Variants in CSMD3 observed in about 807,000 individuals in gnomAD.
CSMD3 encodes CUB and sushi domain-containing protein 3.
Under a neutral mutation model 435.2 loss-of-function variants are expected in CSMD3, and 177 were observed. The observed-to-expected ratio is 0.41, with a 90% CI of 0.36 to 0.46. The LOEUF (loss-of-function observed/expected upper bound fraction) is 0.46. Among genes scored for constraint, CSMD3 ranks in the 20% least tolerant of loss-of-function variants. The probability of loss-of-function intolerance (pLI) is 0.34; values close to 1 mark genes in which losing one functional copy is unlikely to be tolerated. For missense variants in CSMD3, 4,265 were observed against 4,504.6 expected, an observed-to-expected ratio of 0.95 and a Z score of 1.52; for synonymous variants, 1,656 against 1,520.5, an observed-to-expected ratio of 1.09 and a Z score of -2.07.
chr8:112,418,435 T>A (rs1812142443), intron 32 of CSMD3, among the ~76,000 whole-genome samples: 1 of 152,240 alleles, frequency 6.6e-6, no homozygotes. Flanking sequence ...TGTGCAGAAC[T>A]GTTTGCCCTC....
chr8:112,476,594 G>A (rs16883713), intron 31 of CSMD3, among the ~76,000 whole-genome samples: 2,647 of 152,092 alleles, frequency 0.017, 80 homozygotes, highest in African/African-American at 0.06. Flanking sequence ...AAATGTGGGG[G>A]TTTTTTGGTA....
chr8:112,326,650 G>A (rs1421399942), intron 45 of CSMD3, among the ~76,000 whole-genome samples: 1 of 152,156 alleles, frequency 6.6e-6, no homozygotes, highest in Non-Finnish European at 1.5e-5. Flanking sequence ...TCCTCACAAT[G>A]GGTCATTCAA....
intron 7 of CSMD3, among the ~76,000 whole-genome samples, chr8:112,974,450 G>T (rs892779840): frequency 6.6e-6 from 1 of 151,690 alleles, no homozygotes. Context: ...ATTAGCTCAT[G>T]CAATTTTCCA....
intron 4 of CSMD3, among the ~76,000 whole-genome samples, chr8:113,110,089 A>T (rs1012666396): frequency 2.0e-5 from 3 of 152,082 alleles, no homozygotes; most frequent in Non-Finnish European, 2.9e-5. Flanking sequence ...CAGCCCCATG[A>T]TCTCCAAATT....
At chr8:112,476,354 T>A (rs1819052981) in intron 31 of CSMD3, among the ~76,000 whole-genome samples, 1 of 152,212 alleles carries the variant, frequency 6.6e-6, no homozygotes, top group African/African-American at 2.4e-5. Flanking sequence ...CCTAAATCTA[T>A]ATTTTTAATA....
At chr8:112,475,576 C>T (rs1197015138) in intron 31 of CSMD3, among the ~76,000 whole-genome samples, 1 of 151,986 alleles carries the variant, frequency 6.6e-6, no homozygotes, top group Admixed American at 6.6e-5. Context: ...CTCTGAGATA[C>T]ACATCTATTG....
intron 6 of CSMD3, among the ~76,000 whole-genome samples, chr8:113,004,208 A>C (rs1318572810): frequency 6.6e-6 from 1 of 152,062 alleles, no homozygotes; most frequent in Non-Finnish European, 1.5e-5. Context: ...TGTAGGAAAA[A>C]AAACAAATTT....
At chr8:112,741,943 T>G (rs1177148130) in intron 13 of CSMD3, among the ~76,000 whole-genome samples, 1 of 151,284 alleles carries the variant, frequency 6.6e-6, no homozygotes, top group African/African-American at 2.4e-5. Flanking sequence ...TGTTGAAGAG[T>G]GGTCTTCAAG....
chr8:113,218,606 G>C (rs1050609895), intron 3 of CSMD3, among the ~76,000 whole-genome samples: 1 of 151,072 alleles, frequency 6.6e-6, no homozygotes, highest in Non-Finnish European at 1.5e-5. Context: ...GCACTCAATA[G>C]ATGCAGAAAA....
intron 28 of CSMD3, among the ~76,000 whole-genome samples, chr8:112,512,406 T>C (rs969516369): frequency 6.6e-6 from 1 of 152,228 alleles, no homozygotes; most frequent in East Asian, 1.9e-4. Flanking sequence ...TTAGAGCTTT[T>C]GGGTGAACAA....
intron 4 of CSMD3, among the ~76,000 whole-genome samples, chr8:113,114,505 T>C (rs1034307955): frequency 1.3e-5 from 2 of 152,138 alleles, no homozygotes; most frequent in African/African-American, 4.8e-5. Flanking sequence ...TGGAGAGATA[T>C]CTATCAGCTG....
At chr8:112,271,759 C>T (rs567921186) in intron 59 of CSMD3, among the ~76,000 whole-genome samples, 20 of 152,234 alleles carry the variant, frequency 1.3e-4, no homozygotes, top group Non-Finnish European at 1.2e-4. Flanking sequence ...GGTAAACACT[C>T]AATAACAGAT....
chr8:113,371,787 C>A (rs2094347338), intron 1 of CSMD3, among the ~76,000 whole-genome samples: 1 of 152,102 alleles, frequency 6.6e-6, no homozygotes, highest in Admixed American at 6.6e-5. Context: ...AAGAGATCTA[C>A]AAACGCACTA....
chr8:112,393,209 A>T (rs1357461335), intron 35 of CSMD3, among the ~76,000 whole-genome samples: 1 of 152,110 alleles, frequency 6.6e-6, no homozygotes, highest in Non-Finnish European at 1.5e-5. Context: ...AGTTAATTGT[A>T]TTAGTCTCTG....
chr8:113,290,926 T>C (rs1401900697), intron 2 of CSMD3, among the ~76,000 whole-genome samples: 2 of 151,516 alleles, frequency 1.3e-5, no homozygotes, highest in East Asian at 3.9e-4. Context: ...TTTTACTCTA[T>C]ATGAAGTATT....
chr8:112,690,611 A>G (rs1483469123), intron 13 of CSMD3, among the ~76,000 whole-genome samples: 2 of 142,590 alleles, frequency 1.4e-5, no homozygotes, highest in East Asian at 2.4e-4. Flanking sequence ...CAAAAAAAAA[A>G]TCTTCTCAAA....
intron 5 of CSMD3, among the ~76,000 whole-genome samples, chr8:113,039,073 G>T (rs753635846): frequency 9.2e-5 from 14 of 151,918 alleles, no homozygotes; most frequent in Non-Finnish European, 1.6e-4. Context: ...AGTGTTCTAT[G>T]AAATCCTTTG....
chr8:113,377,286 G>T, intron 1 of CSMD3: 1 of 245,588 alleles, frequency 4.1e-6, no homozygotes. Context: ...TATTTTGGAT[G>T]CTGAAATAAA....
intron 1 of CSMD3, among the ~76,000 whole-genome samples, chr8:113,403,253 A>G (rs2094518202): frequency 6.6e-6 from 1 of 151,394 alleles, no homozygotes; most frequent in South Asian, 2.1e-4. Context: ...ACTGATTTTG[A>G]CAACTGTATT....
Sources: allele counts gnomAD v4.1 joint callset (sites outside exome capture counted in the v4.1 genomes callset), GRCh38; gene constraint gnomAD v4.1.1; transcripts MANE v1.5; gene names NCBI Gene and HGNC (gene_info 2026-07-23, HGNC 2026-07-21).